CDH22: variants seen among roughly 807,000 people sequenced by gnomAD.
The protein encoded by CDH22 is cadherin 22.
A neutral mutation model predicts 58.4 loss-of-function variants in CDH22; 30 were observed. The ratio of observed to expected loss-of-function variants is 0.51; its 90% CI spans 0.38 to 0.70. The LOEUF (loss-of-function observed/expected upper bound fraction) is 0.70, where lower values mean the gene tolerates loss of function less well. Ranked by LOEUF, CDH22 falls within the 30% of genes least tolerant of loss-of-function variation. CDH22 has a pLI of 0.00. For missense variants in CDH22, 1,014 were observed against 1,233.9 expected (o/e 0.82, Z 2.67); for synonymous variants, 513 against 558.2 (o/e 0.92, Z 1.14).
chr20:46,197,291 C>T (rs1366697529), intron 8 of CDH22, among the ~76,000 whole-genome samples: 1 of 135,594 alleles, frequency 7.4e-6, no homozygotes, highest in Admixed American at 7.5e-5. Context: ...AGCATCTAGG[C>T]CAGGATATAT....
chr20:46,307,811 C>A (rs1278862666), intron 1 of CDH22, among the ~76,000 whole-genome samples: 2 of 152,046 alleles, frequency 1.3e-5, no homozygotes, highest in African/African-American at 4.8e-5. Context: ...GGAGCCGAGC[C>A]CCGCTAGCAG....
intron 10 of CDH22, among the ~76,000 whole-genome samples, chr20:46,182,188 T>A (rs1431378771): frequency 6.6e-6 from 1 of 152,142 alleles, no homozygotes; most frequent in Non-Finnish European, 1.5e-5. Flanking sequence ...AGAAGTGACC[T>A]AGTGACAAAC....
At chr20:46,304,915 C>T (rs1217925641) in intron 1 of CDH22, among the ~76,000 whole-genome samples, 3 of 152,210 alleles carry the variant, frequency 2.0e-5, no homozygotes, top group Non-Finnish European at 4.4e-5. Flanking sequence ...ATGCCCCCTC[C>T]TCCAGGCAGG....
At chr20:46,261,413 A>G (rs893281894) in intron 1 of CDH22, among the ~76,000 whole-genome samples, 5 of 152,250 alleles carry the variant, frequency 3.3e-5, no homozygotes, top group Non-Finnish European at 7.3e-5. Context: ...TGTGCTAATC[A>G]GGCCTATAGT....
intron 4 of CDH22, among the ~76,000 whole-genome samples, chr20:46,225,361 C>T (rs756086247): frequency 5.7e-4 from 87 of 152,224 alleles, no homozygotes; most frequent in Non-Finnish European, 9.0e-4. Flanking sequence ...TTAGTGTATC[C>T]ATAACACCCA....
chr20:46,200,496 G>A (rs1318214171), intron 7 of CDH22, among the ~76,000 whole-genome samples: 8 of 146,762 alleles, frequency 5.5e-5, no homozygotes. Context: ...TGCCCACACT[G>A]GTCTCGAACT....
intron 10 of CDH22, among the ~76,000 whole-genome samples, chr20:46,181,598 CCCTT>C (rs1420809856): frequency 1.4e-5 from 2 of 147,648 alleles, no homozygotes; most frequent in Admixed American, 6.7e-5. Context: ...TCCCTTCCTT[CCCTT>C]CCTTCCTTCC....
intron 1 of CDH22, among the ~76,000 whole-genome samples, chr20:46,256,233 C>A (rs1219685968): frequency 6.6e-6 from 1 of 152,152 alleles, no homozygotes; most frequent in Non-Finnish European, 1.5e-5. Flanking sequence ...AGACAATAAA[C>A]AAATAACGTG....
rs1163092442 is a variant in CDH22 at position 46,210,280 on chromosome 20, G to C, written c.1286+27C>G. The C allele has an allele frequency of 1.4e-6, 2 of 1,379,456 alleles. No homozygotes were observed. Among genetic ancestry groups the C allele is most frequent in the East Asian group, 6.2e-5 (2 of 32,236 alleles). 85.5% of individuals were successfully genotyped at this position (1,379,456 alleles called of 1,614,324 possible). On this transcript the variant is annotated intron_variant, in intron 7 of 11. Coordinates refer to ENST00000537909, the MANE Select transcript of CDH22 (RefSeq NM_021248.3). The surrounding 1 kb of genome is among the most constrained non-coding windows in gnomAD (Gnocchi z 4.5). ...GGTGATGGCGGGATAGCAGGCAGCA[G>C]GCGTCGGCCCCGGGCGGGGGTCTCA...
In CDH22 at chr20:46,174,888, C is replaced by CCGTCGCCGCCCT. The variant is rs1465551022; in HGVS notation, c.2093_2104dup (p.Asp701_Gly702insGluGlyGlyAsp). ...CGCTCCCCCGCCCGCGCTGCCGCCC[C>CCGTCGCCGCCCT]CGTCGCCGCCCTTGAGCTCGCCGAA... is the stretch of plus-strand genomic sequence containing the variant. On this transcript the variant is annotated inframe_insertion, in exon 12 of 12. Transcript: ENST00000537909. The surrounding 1 kb of genome is among the most constrained non-coding windows in gnomAD (Gnocchi z 4.4). 2 of 1,411,416 alleles carry CCGTCGCCGCCCT rather than the reference C, an allele frequency of 1.4e-6. No homozygotes were observed. Among genetic ancestry groups the CCGTCGCCGCCCT allele is most frequent in the Non-Finnish European group, 9.3e-7 (1 of 1,079,370 alleles). 87.4% of individuals were successfully genotyped at this position (1,411,416 alleles called of 1,614,324 possible). A position where few individuals can be genotyped will look rare whatever the true frequency, so the allele number is the denominator to read the frequency against.
At chr20:46,270,057 G>A (rs75819778) in intron 1 of CDH22, among the ~76,000 whole-genome samples, 7,813 of 152,248 alleles carry the variant, frequency 0.051, 373 homozygotes, top group East Asian at 0.25. Flanking sequence ...GTAGGGGTTC[G>A]CCATATAGAG....
chr20:46,186,545 A>G (rs1295033596), intron 10 of CDH22, 43 bp downstream of exon 10: 5 of 1,342,396 alleles, frequency 3.7e-6, no homozygotes, highest in South Asian at 1.2e-5. Flanking sequence ...GGGCAGGGAG[A>G]CTGTGCCCCT....
intron 7 of CDH22, among the ~76,000 whole-genome samples, chr20:46,202,675 C>T (rs1175992477): frequency 6.6e-6 from 1 of 152,078 alleles, no homozygotes; most frequent in Non-Finnish European, 1.5e-5. Context: ...TTTAGCCTGA[C>T]CGACAGCCCA....
chr20:46,213,469 C>T (rs1360142081), intron 5 of CDH22, among the ~76,000 whole-genome samples: 2 of 152,182 alleles, frequency 1.3e-5, no homozygotes, highest in African/African-American at 4.8e-5. Flanking sequence ...CCCTACCTAG[C>T]CAGTGACAGG....
chr20:46,267,369 G>C (rs1005916708), intron 1 of CDH22, among the ~76,000 whole-genome samples: 8 of 152,176 alleles, frequency 5.3e-5, no homozygotes, highest in Non-Finnish European at 8.8e-5. Flanking sequence ...TGTGTGAAGG[G>C]CTCATTCCCA....
rs113963965 is a variant in CDH22 at position 46,284,590 on chromosome 20, C to A, written c.-400+23665G>T. 7.5e-3 allele frequency among the ~76,000 whole-genome samples: 1,136 copies of A among 152,268 alleles called. 8 individuals are homozygous for A. Among genetic ancestry groups the A allele is most frequent in the African/African-American group, 0.026 (1,076 of 41,536 alleles). On this transcript the variant is annotated intron_variant, in intron 1 of 11. Transcript: ENST00000537909. ...AGAGGTGGGGCCGATGTTCAGCTAG[C>A]CCTGTCAGTTGTTTTCAACTGTCAC...
At chr20:46,235,620 A>G (rs1268419056) in intron 3 of CDH22, among the ~76,000 whole-genome samples, 2 of 152,152 alleles carry the variant, frequency 1.3e-5, no homozygotes, top group East Asian at 3.9e-4. Flanking sequence ...AGCTCCATCC[A>G]TTCAGTTGCT....
chr20:46,297,437 C>T (rs1254184220), intron 1 of CDH22, among the ~76,000 whole-genome samples: 2 of 151,214 alleles, frequency 1.3e-5, no homozygotes, highest in Admixed American at 6.6e-5. Context: ...GGGTGGGGGG[C>T]TCCGTGGAGG....
rs1033346589 is a variant in CDH22, at chr20:46,300,323, C to T, written c.-400+7932G>A. Reference sequence around the variant, plus strand: ...CCGCTGTGAGGCCACAGTCCTATGTCTGGTTACCTGAGTCTGTCTGGCTTG... The same window carrying T: ...CCGCTGTGAGGCCACAGTCCTATGTTTGGTTACCTGAGTCTGTCTGGCTTG... On this transcript the variant is annotated intron_variant, in intron 1 of 11. Transcript: ENST00000537909. The surrounding 1 kb of genome is among the most constrained non-coding windows in gnomAD (Gnocchi z 4.4). 2.0e-5 allele frequency among the ~76,000 whole-genome samples: 3 copies of T among 152,140 alleles called. No individual in the cohort carries two copies. The highest frequency in any genetic ancestry group is 2.9e-5 in the Non-Finnish European group (2 of 68,024).
Sources: allele counts gnomAD v4.1 joint callset (sites outside exome capture counted in the v4.1 genomes callset), GRCh38; gene constraint gnomAD v4.1.1; non-coding constraint Gnocchi (gnomAD v3.1); transcripts MANE v1.5; gene names NCBI Gene and HGNC (gene_info 2026-07-23, HGNC 2026-07-21).